Variants in DOCK9 observed in about 807,000 individuals in gnomAD.
DOCK9 encodes dedicator of cytokinesis protein 9.
A neutral mutation model predicts 263.3 loss-of-function variants in DOCK9; 89 were observed. The observed-to-expected ratio is 0.34, with a 90% CI of 0.28 to 0.40. The LOEUF (loss-of-function observed/expected upper bound fraction) is 0.40. Ranked by LOEUF, DOCK9 falls within the 10% of genes least tolerant of loss-of-function variation. DOCK9 has a pLI of 1.00. For missense variants in DOCK9, 2,140 were observed against 2,603.4 expected (o/e 0.82, Z 3.87); for synonymous variants, 976 against 973.1 (o/e 1.00, Z -0.06).
At chr13:98,941,942 A>C (rs551780188) in intron 2 of DOCK9, among the ~76,000 whole-genome samples, 25 of 152,370 alleles carry the variant, frequency 1.6e-4, no homozygotes, top group African/African-American at 5.5e-4. Flanking sequence ...TGTGAGAACC[A>C]AATTTTAGGG....
At chr13:99,021,767 G>A (rs1012998619) in intron 1 of DOCK9, among the ~76,000 whole-genome samples, 6 of 151,818 alleles carry the variant, frequency 4.0e-5, no homozygotes, top group South Asian at 2.1e-4. Flanking sequence ...TCCAAACACC[G>A]CATGTTCTCA....
At chr13:98,880,749 T>C in intron 25 of DOCK9, 77 bp from the exon 26 acceptor site, 3 of 1,547,592 alleles carry the variant, frequency 1.9e-6, no homozygotes, top group East Asian at 4.6e-5. Flanking sequence ...CTCCCAAGAA[T>C]GGAGATCAGG....
At chr13:98,923,913 A>C (rs2052496221) in intron 4 of DOCK9, among the ~76,000 whole-genome samples, 1 of 152,238 alleles carries the variant, frequency 6.6e-6, no homozygotes, top group African/African-American at 2.4e-5. Context: ...TCAGGCTGAC[A>C]GACGGCAGAG....
intron 2 of DOCK9, among the ~76,000 whole-genome samples, chr13:98,930,738 G>A (rs1172493356): frequency 1.3e-5 from 2 of 152,002 alleles, no homozygotes; most frequent in East Asian, 1.9e-4. Context: ...TCCGCCACCC[G>A]GGTTCAAGCG....
upstream of DOCK9, among the ~76,000 whole-genome samples, chr13:98,981,183 A>G (rs956486863): frequency 6.6e-6 from 1 of 151,888 alleles, no homozygotes; most frequent in Non-Finnish European, 1.5e-5. Flanking sequence ...CAGCCTCCCA[A>G]GTAGCTGGGA....
chr13:99,030,533 G>A (rs1360147754), intron 1 of DOCK9, among the ~76,000 whole-genome samples: 2 of 152,172 alleles, frequency 1.3e-5, no homozygotes, highest in African/African-American at 4.8e-5. Flanking sequence ...GAACAGATGG[G>A]ATAGTACCAG....
chr13:98,997,601 T>A (rs1380863469), intron 1 of DOCK9, among the ~76,000 whole-genome samples: 4 of 152,222 alleles, frequency 2.6e-5, no homozygotes, highest in African/African-American at 4.8e-5. Flanking sequence ...CCTTTGTTGG[T>A]CTCTCAACAC....
chr13:99,058,077 C>A (rs1464166308), intron 1 of DOCK9, among the ~76,000 whole-genome samples: 2 of 151,748 alleles, frequency 1.3e-5, no homozygotes, highest in African/African-American at 2.4e-5. Context: ...ACCAACAAAC[C>A]AAGAAAAATA....
intron 25 of DOCK9, among the ~76,000 whole-genome samples, chr13:98,881,229 GA>G (rs796111935): frequency 2.9e-3 from 390 of 135,560 alleles, no homozygotes; most frequent in Admixed American, 4.2e-3. Flanking sequence ...TAGATGGAAA[GA>G]AAAAAAAAAA....
Position 98,897,469 on chromosome 13 carries a change from A to G in DOCK9, c.1709+19T>C, listed in dbSNP as rs1340399599. 6 of 1,613,030 alleles carry G rather than the reference A, an allele frequency of 3.7e-6. No homozygotes were observed. The highest frequency in any genetic ancestry group is 3.3e-5 in the Admixed American group (2 of 59,928). On this transcript the variant is annotated intron_variant, in intron 15 of 52. Transcript: ENST00000682017. ...CAGCTTCTATTTTTCAGGTGTGGAAATAAGACCTTGAAACTCACTTCCGAA... is the reference window on the plus strand; with the variant it reads ...CAGCTTCTATTTTTCAGGTGTGGAAGTAAGACCTTGAAACTCACTTCCGAA...
intron 37 of DOCK9, chr13:98,847,549 ACTT>A (rs1386861229): frequency 3.9e-5 from 6 of 152,356 alleles, no homozygotes; most frequent in African/African-American, 1.2e-4. Context: ...ATACATGTTT[ACTT>A]CTTAACATAA....
intron 18 of DOCK9, among the ~76,000 whole-genome samples, chr13:98,886,882 T>C (rs1266379002): frequency 6.6e-6 from 1 of 152,054 alleles, no homozygotes; most frequent in Non-Finnish European, 1.5e-5. Context: ...CCCTTTCACA[T>C]TTCCATGCCT....
Position 98,930,229 on chromosome 13 carries a change from T to C in DOCK9, c.272A>G (p.Tyr91Cys), listed in dbSNP as rs1305896152. 6 of 1,611,754 alleles carry C rather than the reference T, an allele frequency of 3.7e-6. No individual in the cohort carries two copies. The East Asian group carries it at 8.9e-5, about 24-fold the overall frequency. The change falls in exon 3 of 53, where the codon TAC becomes TGC. Residue 91 changes from tyrosine to cysteine, a missense_variant. By Grantham distance (194) the Tyr-to-Cys change is radical. Transcript: ENST00000682017. ...QTAILRRQGR[Y>C]ICSTVPAKAE... ...CTTCGCAGGCACTGTTGAGCATATG[T>C]ATCGACCCTGTCGTCTCAGGATGGC...
At chr13:99,028,314 G>A (rs891866217) in intron 1 of DOCK9, among the ~76,000 whole-genome samples, 3 of 152,182 alleles carry the variant, frequency 2.0e-5, no homozygotes, top group East Asian at 1.9e-4. Flanking sequence ...GAAGGACCAC[G>A]GCTTCCTTCA....
chr13:98,920,578 T>C (rs576216855), intron 7 of DOCK9, among the ~76,000 whole-genome samples: 4 of 152,370 alleles, frequency 2.6e-5, no homozygotes, highest in East Asian at 1.9e-4. Context: ...GGTACTACAA[T>C]GCTAGCGATA....
chr13:98,963,562 T>C (rs899190137), intron 1 of DOCK9, among the ~76,000 whole-genome samples: 3 of 152,224 alleles, frequency 2.0e-5, no homozygotes, highest in African/African-American at 7.2e-5. Context: ...GGTGATTAAA[T>C]GTTAAGAAGA....
chr13:98,910,510 T>C (rs527717117), intron 9 of DOCK9, among the ~76,000 whole-genome samples: 303 of 152,306 alleles, frequency 2.0e-3, no homozygotes, highest in South Asian at 0.012. Flanking sequence ...TCACTCACAC[T>C]GTAAGTAATG....
chr13:98,860,453 G>A lies in DOCK9; in HGVS notation c.3649C>T (p.Leu1217=). Residue 1217 remains leucine, a synonymous_variant, in exon 33 of 53, where the codon CTG becomes TTG. Coordinates refer to ENST00000682017, the MANE Select transcript of DOCK9 (RefSeq NM_001366683.2). ...PLVTPQKGST[L]DNSLHKDLLG... ...AGGTCCTTGTGCAGGCTGTTGTCCAGGGTGCTTCCCTTCTGCGGCGTCACC... is the reference window on the plus strand; with the variant it reads ...AGGTCCTTGTGCAGGCTGTTGTCCAAGGTGCTTCCCTTCTGCGGCGTCACC... The A allele has an allele frequency of 6.3e-7, 1 of 1,594,004 alleles. No individual in the cohort carries two copies. The highest frequency in any genetic ancestry group is 8.6e-7 in the Non-Finnish European group (1 of 1,169,430).
At chr13:98,933,583 CT>C (rs961336597) in intron 2 of DOCK9, among the ~76,000 whole-genome samples, 1 of 152,198 alleles carries the variant, frequency 6.6e-6, no homozygotes, top group African/African-American at 2.4e-5. Flanking sequence ...AGACAGAGCC[CT>C]TTTTCTCCCC....
Sources: allele counts gnomAD v4.1 joint callset (sites outside exome capture counted in the v4.1 genomes callset), GRCh38; gene constraint gnomAD v4.1.1; transcripts MANE v1.5; gene names NCBI Gene and HGNC (gene_info 2026-07-23, HGNC 2026-07-21).